The following GOLM2 variants were observed in gnomAD, a reference collection of about 807,000 sequenced individuals.
GOLM2 encodes the protein protein GOLM2.
A neutral mutation model predicts 55.9 loss-of-function variants in GOLM2; 26 were observed. The observed-to-expected ratio is 0.47, with a 90% CI of 0.34 to 0.65. The LOEUF (loss-of-function observed/expected upper bound fraction) is 0.65. Ranked by LOEUF, GOLM2 falls within the 30% of genes least tolerant of loss-of-function variation. The pLI is 0.01. For missense variants in GOLM2, 486 were observed against 531.8 expected, an observed-to-expected ratio of 0.91 and a Z score of 0.85; for synonymous variants, 165 against 194.6, an observed-to-expected ratio of 0.85 and a Z score of 1.27.
chr15:44,374,555 A>G (rs1158397614), intron 6 of GOLM2, among the ~76,000 whole-genome samples: 1 of 152,198 alleles, frequency 6.6e-6, no homozygotes, highest in East Asian at 1.9e-4. Flanking sequence ...AAAGAGGTTT[A>G]ATCAGCTCAT....
chr15:44,368,825 T>C (rs1349271508), intron 6 of GOLM2, among the ~76,000 whole-genome samples: 1 of 150,986 alleles, frequency 6.6e-6, no homozygotes, highest in Non-Finnish European at 1.5e-5. Context: ...CGTTTGTTTC[T>C]GTTGATTCCT....
intron 6 of GOLM2, among the ~76,000 whole-genome samples, chr15:44,377,625 C>G (rs553945092): frequency 4.2e-4 from 64 of 152,098 alleles, no homozygotes; most frequent in Non-Finnish European, 8.4e-4. Flanking sequence ...TCACATGCCT[C>G]GGTCTTTCAA....
chr15:44,295,949 G>T (rs202204617), intron 1 of GOLM2, among the ~76,000 whole-genome samples: 1 of 137,454 alleles, frequency 7.3e-6, no homozygotes, highest in Admixed American at 6.9e-5. Flanking sequence ...CACACACACA[G>T]ACACCCTTTT....
At chr15:44,321,191 G>A (rs2078945912) in intron 1 of GOLM2, among the ~76,000 whole-genome samples, 1 of 152,100 alleles carries the variant, frequency 6.6e-6, no homozygotes, top group Non-Finnish European at 1.5e-5. Context: ...GATTGCATGG[G>A]CCAGGCATTG....
chr15:44,304,230 C>CTTTTTTTT lies in GOLM2; in HGVS notation c.327+14896_327+14903dup, dbSNP rs895623812. 3.9e-4 allele frequency among the ~76,000 whole-genome samples: 32 copies of CTTTTTTTT among 82,926 alleles called. 2 individuals carry two copies. The highest frequency in any genetic ancestry group is 1.1e-3 in the African/African-American group (23 of 20,018). 54.4% of individuals were successfully genotyped at this position (82,926 alleles called of 152,430 possible). A position where few individuals can be genotyped will look rare whatever the true frequency, so the allele number is the denominator to read the frequency against. ...TCAGTCACGTCTTCAGGCTCCACTT[C>CTTTTTTTT]TTTTTTTTTTTTTTTTTTTTTTTTT... is the stretch of plus-strand genomic sequence containing the variant. On this transcript the variant is annotated intron_variant, in intron 1 of 9. Transcript: ENST00000299957.
At chr15:44,413,088 C>G (rs189983034) in intron 9 of GOLM2, among the ~76,000 whole-genome samples, 1 of 151,578 alleles carries the variant, frequency 6.6e-6, no homozygotes, top group Non-Finnish European at 1.5e-5. Context: ...TTATGTCTAT[C>G]TGGCTCTATT....
chr15:44,309,435 A>G (rs1325258980), intron 1 of GOLM2, among the ~76,000 whole-genome samples: 1 of 152,230 alleles, frequency 6.6e-6, no homozygotes, highest in Non-Finnish European at 1.5e-5. Context: ...TTAAATATAT[A>G]CAATCTTTAA....
intron 1 of GOLM2, among the ~76,000 whole-genome samples, chr15:44,301,438 A>C (rs916120782): frequency 6.6e-6 from 1 of 152,174 alleles, no homozygotes; most frequent in Non-Finnish European, 1.5e-5. Context: ...TTATTGAACA[A>C]ATATGTTCAA....
intron 1 of GOLM2, among the ~76,000 whole-genome samples, chr15:44,305,011 T>C (rs1445080573): frequency 6.6e-6 from 1 of 151,938 alleles, no homozygotes; most frequent in Admixed American, 6.6e-5. Context: ...TCACAAATGT[T>C]CTTTTTTTTG....
At chr15:44,362,121 T>C (rs2079244804) in intron 6 of GOLM2, among the ~76,000 whole-genome samples, 1 of 150,126 alleles carries the variant, frequency 6.7e-6, no homozygotes, top group Admixed American at 6.6e-5. Context: ...GCATTCCCTT[T>C]GAAAACTGGC....
intron 1 of GOLM2, among the ~76,000 whole-genome samples, chr15:44,294,703 C>T (rs953196228): frequency 7.2e-6 from 1 of 138,998 alleles, no homozygotes; most frequent in African/African-American, 2.7e-5. Flanking sequence ...GACAGCGAGA[C>T]TCCATCTCAA....
intron 1 of GOLM2, among the ~76,000 whole-genome samples, chr15:44,320,353 C>T (rs1356753117): frequency 6.6e-6 from 1 of 152,076 alleles, no homozygotes; most frequent in Non-Finnish European, 1.5e-5. Flanking sequence ...GGCTGGAGTA[C>T]ACTGGTGCAA....
chr15:44,382,757 T>C (rs527643680), intron 8 of GOLM2, among the ~76,000 whole-genome samples: 1 of 152,034 alleles, frequency 6.6e-6, no homozygotes, highest in African/African-American at 2.4e-5. Context: ...TATTACTCTC[T>C]ACAATAATTT....
rs1446209476 is a variant in GOLM2 at position 44,338,305 on chromosome 15, G to A, written c.790G>A (p.Asp264Asn). The A allele has an allele frequency of 1.9e-6, 3 of 1,612,736 alleles. No individual in the cohort carries two copies. The highest frequency in any genetic ancestry group is 2.5e-6 in the Non-Finnish European group (3 of 1,178,870). Residue 264 changes from aspartate (D) to asparagine (N), a missense_variant, in exon 6 of 10, where the codon GAT (aspartate) becomes AAT (asparagine). Asp to Asn is a conservative substitution (Grantham distance 23). Transcript: ENST00000299957. ...IEENDLAKVDDLPPALRKPPI... is the reference protein window; with the variant it reads ...IEENDLAKVDNLPPALRKPPI... ...AGAGAATGACCTAGCAAAAGTTGAT[G>A]ATCTTCCCCCTGGTAAGTAAAAATT...
At chr15:44,411,568 G>A (rs573100411) in intron 9 of GOLM2, among the ~76,000 whole-genome samples, 58 of 152,200 alleles carry the variant, frequency 3.8e-4, no homozygotes, top group Admixed American at 1.1e-3. Flanking sequence ...TACGCCAGGC[G>A]CGGTGGCTTA....
chr15:44,360,732 C>A (rs984710987), intron 6 of GOLM2, among the ~76,000 whole-genome samples: 1 of 152,102 alleles, frequency 6.6e-6, no homozygotes, highest in African/African-American at 2.4e-5. Context: ...CTCTCCACCC[C>A]AAATCAACAG....
Position 44,379,781 on chromosome 15 carries a change from G to C in GOLM2, c.894G>C (p.Met298Ile), listed in dbSNP as rs1461221539. 3.1e-6 allele frequency: 5 copies of C among 1,597,736 alleles called. No homozygotes were observed. Among genetic ancestry groups the C allele is most frequent in the Non-Finnish European group, 4.3e-6 (5 of 1,165,728 alleles). Residue 298 changes from methionine to isoleucine, a missense_variant, in exon 7 of 10, where the codon ATG becomes ATC. Coordinates refer to ENST00000299957, the MANE Select transcript of GOLM2 (RefSeq NM_138423.4). ...LPTGQPLSPN[M>I]PPDSHINHNG... ...CTGGACAACCTCTCTCCCCAAATAT[G>C]CCTCCAGGTATGAAGGCTTATGCTT...
intron 1 of GOLM2, among the ~76,000 whole-genome samples, chr15:44,295,080 CTTT>C (rs1188122757): frequency 1.4e-5 from 2 of 143,352 alleles, no homozygotes; most frequent in Non-Finnish European, 1.5e-5. Flanking sequence ...ACATAAATTC[CTTT>C]TTTTTTTTTT....
At chr15:44,347,246 T>C (rs2079131673) in intron 6 of GOLM2, among the ~76,000 whole-genome samples, 1 of 152,170 alleles carries the variant, frequency 6.6e-6, no homozygotes, top group African/African-American at 2.4e-5. Context: ...GAAAAGTACC[T>C]TCATGAGAGC....
Sources: allele counts gnomAD v4.1 joint callset (sites outside exome capture counted in the v4.1 genomes callset), GRCh38; gene constraint gnomAD v4.1.1; transcripts MANE v1.5; gene names NCBI Gene and HGNC (gene_info 2026-07-23, HGNC 2026-07-21).